NTMT1: variants seen among roughly 807,000 people sequenced by gnomAD.
The protein encoded by NTMT1 is N-terminal RCC1 methyltransferase.
Under a neutral mutation model 17.5 loss-of-function variants are expected in NTMT1, and 8 were observed. The observed-to-expected ratio is 0.46, with a 90% confidence interval of 0.27 to 0.82. The LOEUF (loss-of-function observed/expected upper bound fraction) is 0.82, where lower values mean the gene tolerates loss of function less well. NTMT1 is among the 40% of genes least tolerant of loss of function. The pLI, the probability that NTMT1 is intolerant of heterozygous loss-of-function variation, is 0.15. For missense variants in NTMT1, 221 were observed against 303.5 expected (o/e 0.73, Z 2.02); for synonymous variants, 128 against 126.8 (o/e 1.01, Z -0.06).
chr9:129,623,639 C>T (rs1830805512), upstream of NTMT1, among the ~76,000 whole-genome samples: 1 of 152,248 alleles, frequency 6.6e-6, no homozygotes, highest in African/African-American at 2.4e-5. Context: ...CTAGAGAACG[C>T]GTCGCCAAAG....
intron 1 of NTMT1, chr9:129,615,459 G>A (rs376751991): frequency 1.6e-5 from 25 of 1,538,994 alleles, no homozygotes; most frequent in African/African-American, 1.4e-5. Flanking sequence ...CGGGAGTCTC[G>A]AGGCTCCCCA....
chr9:129,610,187 AGGGGGGAGGAG>A (rs2118839114), intron 1 of NTMT1, among the ~76,000 whole-genome samples: 1 of 94,156 alleles, frequency 1.1e-5, no homozygotes, highest in African/African-American at 4.4e-5. Flanking sequence ...GCCACAGGGG[AGGGGGGAGGAG>A]GGGGGGAGGA....
chr9:129,619,431 G>T, intron 1 of NTMT1: 2 of 920,260 alleles, frequency 2.2e-6, no homozygotes, highest in Non-Finnish European at 3.4e-6. Flanking sequence ...GTGGATAAAT[G>T]AATACATTCA....
At chr9:129,625,682 AG>A (rs35451163), upstream of NTMT1, among the ~76,000 whole-genome samples, 2 of 151,070 alleles carry the variant, frequency 1.3e-5, no homozygotes, top group Non-Finnish European at 2.9e-5. Flanking sequence ...CCTGAGCAAC[AG>A]GGTGAGACCC....
chr9:129,610,920 C>G (rs1830101003), intron 1 of NTMT1, among the ~76,000 whole-genome samples: 1 of 152,158 alleles, frequency 6.6e-6, no homozygotes, highest in Non-Finnish European at 1.5e-5. Flanking sequence ...GACTGAATCC[C>G]ACTCCTCGTC....
chr9:129,633,898 G>T (rs935718697), intron 2 of NTMT1, among the ~76,000 whole-genome samples, 156 bp from the exon 3 acceptor site: 10 of 152,160 alleles, frequency 6.6e-5, no homozygotes, highest in African/African-American at 2.4e-4. Flanking sequence ...CCTCGACTCC[G>T]TACAAGCTGG....
Position 129,620,377 on chromosome 9 carries a change from G to A in NTMT1, c.-55+11199G>A, listed in dbSNP as rs368756086. 3.0e-3 allele frequency: 3,651 copies of A among 1,229,114 alleles called. 8 individuals carry two copies. Among genetic ancestry groups the A allele is most frequent in the East Asian group, 9.6e-3 (299 of 31,170 alleles). 76.1% of individuals were successfully genotyped at this position (1,229,114 alleles called of 1,614,324 possible). On this transcript the variant is annotated intron_variant, in intron 1 of 3. Transcript: ENST00000372486. This position sits in a 1 kb window ranked among gnomAD's most constrained non-coding sequence, Gnocchi z 5.8. The stretch of plus-strand genomic sequence containing the variant: ...GTCCGACGCCCACCCCGGGCTTGGC[G>A]TCCCCTTCCGGCCACCACGCGGCGC...
chr9:129,612,141 A>C (rs1588107022), intron 1 of NTMT1: 1 of 553,178 alleles, frequency 1.8e-6, no homozygotes, highest in Non-Finnish European at 3.3e-6. Context: ...CCCTGTCCCC[A>C]CCCCTCAGCC....
intron 1 of NTMT1, among the ~76,000 whole-genome samples, chr9:129,611,990 T>C (rs1461120119): frequency 6.6e-6 from 1 of 151,974 alleles, no homozygotes; most frequent in African/African-American, 2.4e-5. Flanking sequence ...GCTCAAGCCA[T>C]CCTCCCACCT....
chr9:129,635,123 C>A, intron 3 of NTMT1, 85 bp from the exon 4 acceptor site: 1 of 1,495,146 alleles, frequency 6.7e-7, no homozygotes, highest in Non-Finnish European at 9.0e-7. Flanking sequence ...AAATGAGGGG[C>A]TCAGCGGGGC....
chr9:129,634,015 C>T, intron 2 of NTMT1, 39 bp from the exon 3 acceptor site: 2 of 1,591,614 alleles, frequency 1.3e-6, no homozygotes, highest in East Asian at 4.5e-5. Context: ...CGTGCGGTGA[C>T]AGGGTCCCTC....
At chr9:129,621,631 G>A (rs993191594), upstream of NTMT1, among the ~76,000 whole-genome samples, 1 of 152,204 alleles carries the variant, frequency 6.6e-6, no homozygotes, top group African/African-American at 2.4e-5. Flanking sequence ...GCCTCCCAAA[G>A]TGCTGGGATC....
intron 1 of NTMT1, among the ~76,000 whole-genome samples, chr9:129,630,245 G>A (rs1377563984): frequency 6.6e-6 from 1 of 152,190 alleles, no homozygotes; most frequent in African/African-American, 2.4e-5. Context: ...GGCTGAGGCA[G>A]GTGGATTGCT....
chr9:129,627,629 A>G (rs1462541776), intron 1 of NTMT1, among the ~76,000 whole-genome samples: 1 of 152,220 alleles, frequency 6.6e-6, no homozygotes, highest in African/African-American at 2.4e-5. Context: ...CAGAGCCAAG[A>G]TTCAGATCTG....
chr9:129,613,320 C>T lies in NTMT1; in HGVS notation c.-55+4142C>T. ...CCGGCCCACCCATGGCTGGCAGGGC[C>T]CTTGAGGACCCACACTGGCAACCCG... On this transcript the variant is annotated intron_variant, in intron 1 of 3. Coordinates refer to the NTMT1 transcript ENST00000372486. The surrounding 1 kb of genome is among the most constrained non-coding windows in gnomAD (Gnocchi z 6.2). 1 of 1,563,780 alleles carries T rather than the reference C, an allele frequency of 6.4e-7. No individual in the cohort carries two copies. The highest frequency in any genetic ancestry group is 8.7e-7 in the Non-Finnish European group (1 of 1,153,950).
rs192740149 is a variant in NTMT1 at position 129,630,312 on chromosome 9, A to G, written c.-54-2338A>G. Among the ~76,000 whole-genome samples, 426 of 152,274 alleles carry G rather than the reference A, an allele frequency of 2.8e-3. 5 individuals carry two copies. The highest frequency in any genetic ancestry group is 9.7e-3 in the African/African-American group (405 of 41,544). On this transcript the variant is annotated intron_variant, in intron 1 of 3. Coordinates refer to ENST00000372483, the MANE Select transcript of NTMT1 (RefSeq NM_014064.4). ...ACGTGGCAAAACTCCATATCTACAGAAAATACAAAAGTTAGCCAGGTGTGG... is the reference window on the plus strand; with the variant it reads ...ACGTGGCAAAACTCCATATCTACAGGAAATACAAAAGTTAGCCAGGTGTGG...
chr9:129,613,273 G>T lies in NTMT1; in HGVS notation c.-55+4095G>T. 2 of 1,587,020 alleles carry T rather than the reference G, an allele frequency of 1.3e-6. No individual in the cohort carries two copies. Among genetic ancestry groups the T allele is most frequent in the South Asian group, 2.3e-5 (2 of 88,306 alleles). The stretch of plus-strand genomic sequence containing the variant: ...GGACCTGGGGGAGACAGGACCCCAT[G>T]AGCTTCCTGGACTCTGAGTCCCCGG... On this transcript the variant is annotated intron_variant, in intron 1 of 3. Coordinates refer to the NTMT1 transcript ENST00000372486. The surrounding 1 kb of genome is among the most constrained non-coding windows in gnomAD (Gnocchi z 6.2).
intron 1 of NTMT1, among the ~76,000 whole-genome samples, chr9:129,616,584 T>A (rs1830401266): frequency 6.6e-6 from 1 of 152,174 alleles, no homozygotes. Flanking sequence ...TGGCCTTTGG[T>A]AGACTGTCTC....
upstream of NTMT1, among the ~76,000 whole-genome samples, chr9:129,624,470 T>C (rs1049104771): frequency 5.9e-5 from 9 of 152,100 alleles, no homozygotes; most frequent in Admixed American, 1.3e-4. Flanking sequence ...GTCTAGAGGG[T>C]ATGCCAAATA....
Sources: gnomAD v4.1 joint callset for allele counts (sites outside exome capture counted in the v4.1 genomes callset) on GRCh38, gnomAD v4.1.1 for gene constraint, Gnocchi (gnomAD v3.1) non-coding constraint, MANE v1.5 for transcripts, NCBI Gene and HGNC (gene_info 2026-07-23, HGNC 2026-07-21) for gene names.